The following PLCL2 variants were observed in gnomAD, a reference collection of about 807,000 sequenced individuals.
PLCL2 encodes phospholipase C like 2.
PLCL2 carries 4 observed loss-of-function variants against 79.6 expected under a neutral mutation model. The ratio of observed to expected loss-of-function variants is 0.05; its 90% CI spans 0.02 to 0.11. The LOEUF is 0.11. Ranked by LOEUF, PLCL2 falls within the 10% of genes least tolerant of loss-of-function variation. PLCL2 has a pLI of 1.00. For synonymous variants in PLCL2, 484 were observed against 457.7 expected, an observed-to-expected ratio of 1.06 and a Z score of -0.73; for missense variants, 895 against 1,291.0, an observed-to-expected ratio of 0.69 and a Z score of 4.70.
intron 1 of PLCL2, among the ~76,000 whole-genome samples, chr3:16,911,069 A>G (rs1272994294): frequency 2.6e-5 from 4 of 152,134 alleles, no homozygotes; most frequent in South Asian, 2.1e-4. Context: ...CCTGGCCAAC[A>G]TGGTGAAACC....
chr3:17,054,973 C>T (rs906987875), intron 4 of PLCL2, among the ~76,000 whole-genome samples: 21 of 152,150 alleles, frequency 1.4e-4, no homozygotes, highest in African/African-American at 5.1e-4. Context: ...ATGTGATTCC[C>T]TGATGGCCCT....
intron 1 of PLCL2, among the ~76,000 whole-genome samples, chr3:16,911,902 T>A (rs1289945710): frequency 6.6e-6 from 1 of 152,204 alleles, no homozygotes; most frequent in Non-Finnish European, 1.5e-5. Context: ...GTACATAAAC[T>A]TTGTTTCGTA....
rs527652025 is a variant in PLCL2 at position 17,009,485 on chromosome 3, T to A, written c.328-189T>A. Among the ~76,000 whole-genome samples the A allele has an allele frequency of 6.6e-6, 1 of 152,252 alleles. No individual in the cohort carries two copies. The highest frequency in any genetic ancestry group is 1.9e-4 in the East Asian group (1 of 5,176). The stretch of plus-strand genomic sequence containing the variant: ...TCAATAATGATTTCATACCTGTTGG[T>A]ATTAGGCTGTCAACTGCAAGGCCAA... On this transcript the variant is annotated intron_variant, in intron 1 of 5. Coordinates refer to ENST00000615277, the MANE Select transcript of PLCL2 (RefSeq NM_001144382.2). The surrounding 1 kb of genome is among the most constrained non-coding windows in gnomAD (Gnocchi z 4.0).
chr3:16,968,254 T>A (rs1006856793), intron 1 of PLCL2, among the ~76,000 whole-genome samples: 2 of 152,144 alleles, frequency 1.3e-5, no homozygotes, highest in African/African-American at 4.8e-5. Context: ...CTATTCAGGA[T>A]CTTTTTTGGT....
intron 1 of PLCL2, among the ~76,000 whole-genome samples, chr3:16,956,364 T>G (rs941774813): frequency 5.9e-5 from 9 of 152,320 alleles, no homozygotes; most frequent in Admixed American, 5.9e-4. Flanking sequence ...CAGCCTTGCA[T>G]CCCGGGGATG....
intron 4 of PLCL2, among the ~76,000 whole-genome samples, chr3:17,049,734 A>AGTACTTT (rs1353580552): frequency 1.3e-5 from 2 of 152,188 alleles, no homozygotes; most frequent in South Asian, 4.1e-4. Context: ...AAGAATCAAT[A>AGTACTTT]TTGTTAAAAT....
At chr3:17,065,327 A>C (rs1315327070) in intron 4 of PLCL2, among the ~76,000 whole-genome samples, 1 of 151,756 alleles carries the variant, frequency 6.6e-6, no homozygotes, top group Non-Finnish European at 1.5e-5. Flanking sequence ...TATCCTTTCA[A>C]CTCTGTTGCA....
At chr3:17,029,560 A>G (rs1198017783) in intron 3 of PLCL2, among the ~76,000 whole-genome samples, 1 of 152,124 alleles carries the variant, frequency 6.6e-6, no homozygotes, top group East Asian at 1.9e-4. Flanking sequence ...CAATTGTTAC[A>G]TGAGCTAATA....
Position 17,042,937 on chromosome 3 carries a change from T to A in PLCL2, c.3082T>A (p.Cys1028Ser). ...TGCTGTATATGAAAAGATCGTACAT[T>A]GTCAGAAGGCAGGTAAGTGAAAGTT... The part of the protein sequence containing the change: ...ADAVYEKIVH[C>S]QKAAMEFHEH... Residue 1028 changes from cysteine to serine, a missense_variant, in exon 4 of 6, where the codon TGT (cysteine) becomes AGT (serine). Cys to Ser is a moderately radical substitution (Grantham distance 112). Around this residue, in one of 6 missense-constraint regions of PLCL2, gnomAD observed 298 missense variants for 459.6 expected, o/e 0.65. Transcript: ENST00000615277. 5 of 1,609,070 alleles carry A rather than the reference T, an allele frequency of 3.1e-6. No homozygotes were observed. The highest frequency in any genetic ancestry group is 4.3e-6 in the Non-Finnish European group (5 of 1,175,546).
In PLCL2 at chr3:16,887,571, A is replaced by T. The variant is rs1696253544; in HGVS notation, c.327+2205A>T. Among the ~76,000 whole-genome samples the T allele has an allele frequency of 2.0e-5, 3 of 152,224 alleles. No homozygotes were observed. The highest frequency in any genetic ancestry group is 2.0e-4 in the Admixed American group (3 of 15,290). ...AATACTGGGTTATAGGAAAGAGAGG[A>T]TGCTATATTTAAATAGGTAACTACT... is the stretch of plus-strand genomic sequence containing the variant. On this transcript the variant is annotated intron_variant, in intron 1 of 5. Transcript: ENST00000615277. This position sits in a 1 kb window ranked among gnomAD's most constrained non-coding sequence, Gnocchi z 4.1.
intron 1 of PLCL2, among the ~76,000 whole-genome samples, chr3:16,942,930 C>A (rs746342141): frequency 6.6e-6 from 1 of 152,264 alleles, no homozygotes; most frequent in East Asian, 1.9e-4. Flanking sequence ...TTTTCTTTAT[C>A]CCTGTAGGCA....
At position 16,885,035 on chromosome 3, in the gene PLCL2, C is replaced by A; in HGVS notation, c.-5C>A. The A allele has an allele frequency of 5.9e-6, 2 of 337,612 alleles. No individual in the cohort carries two copies. The highest frequency in any genetic ancestry group is 1.1e-5 in the Non-Finnish European group (2 of 187,518). 20.9% of individuals were successfully genotyped at this position (337,612 alleles called of 1,614,324 possible). ...GGCTTTGTGCAGGCGGGTCGCGGGG[C>A]GCCCATGGCGGAGTGCGGCCGGGGG... is the stretch of plus-strand genomic sequence containing the variant. On this transcript the variant is annotated 5_prime_UTR_variant, in exon 1 of 6. Coordinates refer to ENST00000615277, the MANE Select transcript of PLCL2 (RefSeq NM_001144382.2).
rs189362994 is a variant in PLCL2, at chr3:16,916,601, C to T, written c.327+31235C>T. Among the ~76,000 whole-genome samples, 273 of 152,242 alleles carry T rather than the reference C, an allele frequency of 1.8e-3. 1 individual carries two copies. The highest frequency in any genetic ancestry group is 6.4e-3 in the African/African-American group (267 of 41,538). On this transcript the variant is annotated intron_variant, in intron 1 of 5. Transcript: ENST00000615277. ...TATTCTAAAAGAAGTAAATTAATACCATCCATGTAAAGAATCAGTGGCATT... is the reference window on the plus strand; with the variant it reads ...TATTCTAAAAGAAGTAAATTAATACTATCCATGTAAAGAATCAGTGGCATT...
At chr3:17,079,398 G>A (rs1201627527) in intron 5 of PLCL2, among the ~76,000 whole-genome samples, 1 of 152,236 alleles carries the variant, frequency 6.6e-6, no homozygotes, top group Admixed American at 6.5e-5. Flanking sequence ...GCCAGACGAG[G>A]CCACTGTCCT....
intron 4 of PLCL2, among the ~76,000 whole-genome samples, chr3:17,056,107 C>T (rs1203006378): frequency 6.6e-6 from 1 of 152,162 alleles, no homozygotes; most frequent in Non-Finnish European, 1.5e-5. Context: ...TAAATAGCAA[C>T]TCTCAGGGTC....
intron 1 of PLCL2, among the ~76,000 whole-genome samples, chr3:16,986,355 T>G (rs537926570): frequency 1.3e-5 from 2 of 152,024 alleles, no homozygotes; most frequent in Non-Finnish European, 2.9e-5. Flanking sequence ...ACCCTACAGT[T>G]CTAGTGTGAA....
intron 3 of PLCL2, among the ~76,000 whole-genome samples, chr3:17,018,748 A>G (rs1187690540): frequency 6.6e-6 from 1 of 152,218 alleles, no homozygotes; most frequent in Non-Finnish European, 1.5e-5. Flanking sequence ...TAGAAATTTA[A>G]TTGGTTTATT....
chr3:16,906,863 G>A (rs1053426784), intron 1 of PLCL2, among the ~76,000 whole-genome samples: 1 of 152,176 alleles, frequency 6.6e-6, no homozygotes, highest in Non-Finnish European at 1.5e-5. Flanking sequence ...AATAGAAACT[G>A]TTTGTTTACT....
Position 16,886,969 on chromosome 3 carries a change from A to G in PLCL2, c.327+1603A>G, listed in dbSNP as rs1290354425. Among the ~76,000 whole-genome samples the G allele has an allele frequency of 6.6e-6, 1 of 152,240 alleles. No homozygotes were observed. Among genetic ancestry groups the G allele is most frequent in the African/African-American group, 2.4e-5 (1 of 41,458 alleles). On this transcript the variant is annotated intron_variant, in intron 1 of 5. Coordinates refer to ENST00000615277, the MANE Select transcript of PLCL2 (RefSeq NM_001144382.2). This position sits in a 1 kb window ranked among gnomAD's most constrained non-coding sequence, Gnocchi z 4.2. ...TGAATACTTGTTTTTGCATTAAAAA[A>G]TCAAACTTTATTAGTGTCCATAGTG...
Sources: gnomAD v4.1 joint callset for allele counts (sites outside exome capture counted in the v4.1 genomes callset) on GRCh38, gnomAD v4.1.1 for gene constraint, gnomAD v4.1.1 regional missense constraint, Gnocchi (gnomAD v3.1) non-coding constraint, MANE v1.5 for transcripts, NCBI Gene and HGNC (gene_info 2026-07-23, HGNC 2026-07-21) for gene names.